GLUD1: variants seen among roughly 807,000 people sequenced by gnomAD.
GLUD1 encodes glutamate dehydrogenase 1, mitochondrial.
GLUD1 carries 22 observed loss-of-function variants against 56.0 expected under a neutral mutation model. The observed-to-expected ratio is 0.39, with a 90% CI of 0.28 to 0.56. The LOEUF (loss-of-function observed/expected upper bound fraction) is 0.56, where lower values mean the gene tolerates loss of function less well. Among genes scored for constraint, GLUD1 ranks in the 20% least tolerant of loss-of-function variants. The probability of loss-of-function intolerance (pLI) is 0.58; values close to 1 mark genes in which losing one functional copy is unlikely to be tolerated. For missense variants in GLUD1, 451 were observed against 732.0 expected (o/e 0.62, Z 4.43); for synonymous variants, 223 against 269.9 (o/e 0.83, Z 1.70).
chr10:87,067,143 C>A (rs1423224331), intron 5 of GLUD1, among the ~76,000 whole-genome samples: 2 of 152,252 alleles, frequency 1.3e-5, no homozygotes, highest in Non-Finnish European at 2.9e-5. Context: ...CTATTCTTCC[C>A]CAGGAAGGAT....
At chr10:87,061,123 C>A in intron 6 of GLUD1, 71 bp from the exon 7 acceptor site, 2 of 1,350,394 alleles carry the variant, frequency 1.5e-6, no homozygotes, top group Non-Finnish European at 2.1e-6. Context: ...ATATTTTGAC[C>A]AATGTAAATC....
In GLUD1 at chr10:87,061,017, A is replaced by G. The variant is rs959848768; in HGVS notation, c.957T>C (p.Tyr319=). 3.1e-6 allele frequency: 5 copies of G among 1,613,904 alleles called. No individual in the cohort carries two copies. The highest frequency in any genetic ancestry group is 4.2e-6 in the Non-Finnish European group (5 of 1,179,810). The change falls in exon 7 of 13, where the codon TAT becomes TAC. Residue 319 remains tyrosine, a synonymous_variant. Transcript: ENST00000277865. ...FGNVGLHSMR[Y]LHRFGAKCIA... ...TACATTTAGCACCAAAACGATGTAA[A>G]TATCTCATAGAGTGTAGGCCCACAT... is the stretch of plus-strand genomic sequence containing the variant.
intron 5 of GLUD1, among the ~76,000 whole-genome samples, chr10:87,064,599 T>G (rs1018946675): frequency 6.6e-6 from 1 of 152,232 alleles, no homozygotes; most frequent in Non-Finnish European, 1.5e-5. Context: ...CTGTTCTTTA[T>G]CTGTATTGTT....
chr10:87,055,281 A>G (rs1845739891), intron 11 of GLUD1, among the ~76,000 whole-genome samples: 1 of 152,076 alleles, frequency 6.6e-6, no homozygotes. Context: ...GTAATGATGG[A>G]GCACGGAATT....
chr10:87,094,115 G>C lies in GLUD1; in HGVS notation c.445+210C>G, dbSNP rs1294429821. ...AGGCCCGGGGTGACGGCGCGGGGGA[G>C]GGGGCAGGCCAATCGCATGATGATT... On this transcript the variant is annotated intron_variant, in intron 1 of 12. Transcript: ENST00000277865. The surrounding 1 kb of genome is among the most constrained non-coding windows in gnomAD (Gnocchi z 6.6). 1.0e-5 allele frequency: 15 copies of C among 1,494,614 alleles called. No homozygotes were observed. Among genetic ancestry groups the C allele is most frequent in the Admixed American group, 2.1e-5 (1 of 47,130 alleles). 92.6% of individuals were successfully genotyped at this position (1,494,614 alleles called of 1,614,324 possible). A position where few individuals can be genotyped will look rare whatever the true frequency, so the allele number is the denominator to read the frequency against.
rs1034666781 is a variant in GLUD1 at position 87,053,344 on chromosome 10, T to A, written c.1555A>T (p.Arg519Trp). ...GCAAACAGCATCTGCACACATACCC[T>A]GGCAGAACGCTCCATTGTGTATGCC... ...GLAYTMERSA[R>W]QIMRTAMKYN... Residue 519 changes from arginine (R) to tryptophan (W), a missense_variant and splice_region_variant, in exon 12 of 13, where the codon AGG (arginine) becomes TGG (tryptophan). Physicochemically the swap from Arg to Trp is moderately radical, Grantham distance 101. Coordinates refer to ENST00000277865, the MANE Select transcript of GLUD1 (RefSeq NM_005271.5). 6.2e-7 allele frequency: 1 copy of A among 1,605,416 alleles called. No homozygotes were observed. The highest frequency in any genetic ancestry group is 8.5e-7 in the Non-Finnish European group (1 of 1,172,130).
intron 8 of GLUD1, 31 bp downstream of exon 8, chr10:87,060,657 A>G (rs766304653): frequency 6.2e-7 from 1 of 1,613,816 alleles, no homozygotes; most frequent in Admixed American, 1.7e-5. Flanking sequence ...CACATTGATA[A>G]TGTTGGTTCT....
At chr10:87,093,376 C>T (rs1422602110) in intron 1 of GLUD1, among the ~76,000 whole-genome samples, 1 of 152,192 alleles carries the variant, frequency 6.6e-6, no homozygotes, top group Admixed American at 6.5e-5. Flanking sequence ...TTTTATGTTA[C>T]TAAAGAGGTA....
chr10:87,060,662 G>A, intron 8 of GLUD1, 26 bp downstream of exon 8: 1 of 1,613,878 alleles, frequency 6.2e-7, no homozygotes. Context: ...TGATAATGTT[G>A]GTTCTGGTTT....
intron 4 of GLUD1, among the ~76,000 whole-genome samples, chr10:87,069,792 A>C (rs1846181084): frequency 6.6e-6 from 1 of 152,064 alleles, no homozygotes; most frequent in African/African-American, 2.4e-5. Flanking sequence ...CCTCCCACCT[A>C]ATCTGTAACT....
At chr10:87,078,606 C>T (rs1189808899) in intron 1 of GLUD1, among the ~76,000 whole-genome samples, 1 of 152,074 alleles carries the variant, frequency 6.6e-6, no homozygotes, top group Non-Finnish European at 1.5e-5. Context: ...TACGAATATT[C>T]TGACTCTTAA....
chr10:87,073,349 T>C (rs1308671166), intron 4 of GLUD1, among the ~76,000 whole-genome samples: 1 of 152,042 alleles, frequency 6.6e-6, no homozygotes, highest in Admixed American at 6.6e-5. Flanking sequence ...AGATGGGGTC[T>C]TGTAATATTG....
chr10:87,088,072 A>C (rs1312087903), intron 1 of GLUD1, among the ~76,000 whole-genome samples: 2 of 151,298 alleles, frequency 1.3e-5, no homozygotes, highest in Admixed American at 1.3e-4. Context: ...CAAGAGCAAA[A>C]CTCTGTTTCA....
intron 1 of GLUD1, among the ~76,000 whole-genome samples, chr10:87,078,740 T>A (rs1352122701): frequency 6.6e-6 from 1 of 152,134 alleles, no homozygotes; most frequent in Non-Finnish European, 1.5e-5. Context: ...AAACTGGGAA[T>A]GGGGGTGACG....
At chr10:87,077,005 CT>C (rs869086788) in intron 1 of GLUD1, among the ~76,000 whole-genome samples, 12 of 149,208 alleles carry the variant, frequency 8.0e-5, no homozygotes, top group Non-Finnish European at 1.5e-4. Flanking sequence ...ATTCAGGTTG[CT>C]TTTTTTTGGG....
Position 87,092,332 on chromosome 10 carries a change from A to G in GLUD1, c.445+1993T>C, listed in dbSNP as rs150311621. Among the ~76,000 whole-genome samples, 875 of 152,278 alleles carry G rather than the reference A, an allele frequency of 5.7e-3. 7 individuals are homozygous for G. Among genetic ancestry groups the G allele is most frequent in the African/African-American group, 0.019 (778 of 41,560 alleles). Reference sequence around the variant, plus strand: ...TAAATTTGTCACTTTGTAGAGGCCAATTTTCTTTGATGTTCTATCAATGCT... The same window carrying G: ...TAAATTTGTCACTTTGTAGAGGCCAGTTTTCTTTGATGTTCTATCAATGCT... On this transcript the variant is annotated intron_variant, in intron 1 of 12. Coordinates refer to ENST00000277865, the MANE Select transcript of GLUD1 (RefSeq NM_005271.5).
At position 87,094,691 on chromosome 10, in the gene GLUD1, C is replaced by T; in HGVS notation, c.79G>A (p.Ala27Thr). 6.7e-7 allele frequency: 1 copy of T among 1,499,346 alleles called. No individual in the cohort carries two copies. Among genetic ancestry groups the T allele is most frequent in the Non-Finnish European group, 8.9e-7 (1 of 1,124,246 alleles). The allele number at this position is 1,499,346 out of a possible 1,614,324, so 92.9% of individuals were successfully genotyped here. A position where few individuals can be genotyped will look rare whatever the true frequency, so the allele number is the denominator to read the frequency against. The change falls in exon 1 of 13, where the codon GCC becomes ACC. Residue 27 changes from alanine (A) to threonine (T), a missense_variant. Around this residue, in one of 4 missense-constraint regions of GLUD1, gnomAD observed 158 missense variants for 189.7 expected, o/e 0.83. Transcript: ENST00000277865. The surrounding 1 kb of genome is among the most constrained non-coding windows in gnomAD (Gnocchi z 6.6). Reference protein sequence around the residue: ...AALGSASADSAALLGWARGQP... With the variant: ...AALGSASADSTALLGWARGQP... ...CCCCGGGCCCAGCCCAGCAACGCGGCCGAGTCGGCGGACGCCGAGCCCAGG... is the reference window on the plus strand; with the variant it reads ...CCCCGGGCCCAGCCCAGCAACGCGGTCGAGTCGGCGGACGCCGAGCCCAGG...
chr10:87,057,861 C>G (rs995751752), intron 10 of GLUD1, 79 bp from the exon 11 acceptor site: 18 of 798,048 alleles, frequency 2.3e-5, no homozygotes, highest in Non-Finnish European at 3.7e-5. Context: ...TAGTCCCAAA[C>G]TATAACTGTA....
intron 6 of GLUD1, among the ~76,000 whole-genome samples, chr10:87,062,312 C>A (rs1432325943): frequency 6.6e-6 from 1 of 152,196 alleles, no homozygotes; most frequent in African/African-American, 2.4e-5. Flanking sequence ...AGTGTGTAAA[C>A]CTTTCTATAT....
Sources: gnomAD v4.1 joint callset for allele counts (sites outside exome capture counted in the v4.1 genomes callset) on GRCh38, gnomAD v4.1.1 for gene constraint, gnomAD v4.1.1 regional missense constraint, Gnocchi (gnomAD v3.1) non-coding constraint, MANE v1.5 for transcripts, NCBI Gene and HGNC (gene_info 2026-07-23, HGNC 2026-07-21) for gene names.